Variants in PLCXD2 observed in about 807,000 individuals in gnomAD.
PLCXD2 encodes the protein phosphatidylinositol specific phospholipase C X domain containing 2.
PLCXD2 carries 21 observed loss-of-function variants against 28.6 expected under a neutral mutation model. The ratio of observed to expected loss-of-function variants is 0.73; its 90% CI spans 0.52 to 1.06. The LOEUF (loss-of-function observed/expected upper bound fraction) is 1.06, where lower values mean the gene tolerates loss of function less well. Ranked by LOEUF, PLCXD2 falls within the 50% of genes least tolerant of loss-of-function variation. The pLI, the probability that PLCXD2 is intolerant of heterozygous loss-of-function variation, is 0.00. For synonymous variants in PLCXD2, 140 were observed against 150.1 expected (o/e 0.93, Z 0.49); for missense variants, 369 against 376.7 (o/e 0.98, Z 0.17).
chr3:111,714,276 T>G (rs1941239315), intron 3 of PLCXD2, 148 bp downstream of exon 3: 18 of 1,090,278 alleles, frequency 1.7e-5, no homozygotes, highest in Non-Finnish European at 2.2e-5. Context: ...GAGAAAACCA[T>G]GCAGTTGAGG....
intron 2 of PLCXD2, among the ~76,000 whole-genome samples, chr3:111,712,348 G>A (rs1338632538): frequency 6.6e-6 from 1 of 152,182 alleles, no homozygotes; most frequent in African/African-American, 2.4e-5. Flanking sequence ...TCACAGGGCT[G>A]CACCGCCTCC....
At chr3:111,678,595 T>A (rs536742725) in intron 1 of PLCXD2, among the ~76,000 whole-genome samples, 1 of 152,320 alleles carries the variant, frequency 6.6e-6, no homozygotes, top group African/African-American at 2.4e-5. Flanking sequence ...TTTGGGAAGG[T>A]TCTATTGGGA....
At chr3:111,720,696 C>T (rs76257746) in intron 3 of PLCXD2, 27 bp from the exon 4 acceptor site, 8,764 of 416,728 alleles carry the variant, frequency 0.021, 655 homozygotes, top group African/African-American at 0.16. Context: ...TATCCACTCT[C>T]TTCCTCCAAC....
At chr3:111,692,138 T>C (rs1421935268) in intron 1 of PLCXD2, among the ~76,000 whole-genome samples, 1 of 152,020 alleles carries the variant, frequency 6.6e-6, no homozygotes, top group East Asian at 1.9e-4. Context: ...GCCTCCCGGG[T>C]TCATGCCGTT....
intron 3 of PLCXD2, chr3:111,724,679 A>G (rs545956303): frequency 2.0e-5 from 3 of 152,346 alleles, no homozygotes; most frequent in Admixed American, 1.3e-4. Context: ...TAAAAGAGCT[A>G]CATGAAACCA....
Position 111,694,753 on chromosome 3 carries a change from G to A in PLCXD2, c.164-13173G>A, listed in dbSNP as rs185560175. Among the ~76,000 whole-genome samples, 18 of 152,260 alleles carry A rather than the reference G, an allele frequency of 1.2e-4. No individual in the cohort carries two copies. The East Asian group carries it at 2.9e-3, about 25-fold the overall frequency. On this transcript the variant is annotated intron_variant, in intron 1 of 4. Transcript: ENST00000477665. ...GTCAGAGCTGGACCCTAAGGGATCC[G>A]GAGTCCAGCTAGGCCGGTGCTCTCT...
intron 3 of PLCXD2, among the ~76,000 whole-genome samples, chr3:111,717,730 C>T (rs1004905542): frequency 2.0e-5 from 3 of 152,180 alleles, no homozygotes; most frequent in Admixed American, 6.5e-5. Context: ...CAGAGGGCGC[C>T]TGCACCTCAT....
chr3:111,702,542 C>G (rs1941058036), intron 1 of PLCXD2, among the ~76,000 whole-genome samples: 1 of 152,062 alleles, frequency 6.6e-6, no homozygotes, highest in African/African-American at 2.4e-5. Context: ...GATAAAGAAG[C>G]CATAGAGAGA....
At chr3:111,681,337 G>C (rs1469348534) in intron 1 of PLCXD2, among the ~76,000 whole-genome samples, 1 of 152,158 alleles carries the variant, frequency 6.6e-6, no homozygotes, top group Non-Finnish European at 1.5e-5. Context: ...GAGCCTTTGG[G>C]AAAAACTCAG....
chr3:111,676,912 A>G (rs1474290042), intron 1 of PLCXD2: 1 of 152,352 alleles, frequency 6.6e-6, no homozygotes, highest in Non-Finnish European at 1.5e-5. Flanking sequence ...GGCTCAAACC[A>G]TAACTCCAGC....
chr3:111,686,319 G>T (rs1207985749), intron 1 of PLCXD2, among the ~76,000 whole-genome samples: 1 of 152,140 alleles, frequency 6.6e-6, no homozygotes, highest in Admixed American at 6.5e-5. Flanking sequence ...ACATAAAAAA[G>T]AATAAGTTGA....
intron 1 of PLCXD2, among the ~76,000 whole-genome samples, chr3:111,684,327 T>TAAA (rs1224720097): frequency 3.9e-4 from 42 of 106,834 alleles, no homozygotes; most frequent in Admixed American, 1.6e-3. Context: ...AGACTCCATC[T>TAAA]AAAAAAAAAA....
intron 1 of PLCXD2, among the ~76,000 whole-genome samples, chr3:111,678,322 A>G (rs1576451502): frequency 6.6e-6 from 1 of 152,232 alleles, no homozygotes; most frequent in African/African-American, 2.4e-5. Context: ...TGCTAACTGT[A>G]TAGAATCATT....
intron 3 of PLCXD2, among the ~76,000 whole-genome samples, chr3:111,720,386 C>A (rs1338821417): frequency 6.6e-6 from 1 of 152,064 alleles, no homozygotes; most frequent in Non-Finnish European, 1.5e-5. Flanking sequence ...CCACCCACCT[C>A]AGCCCCCCAA....
At chr3:111,713,484 A>C (rs2107868193) in intron 2 of PLCXD2, among the ~76,000 whole-genome samples, 1 of 152,288 alleles carries the variant, frequency 6.6e-6, no homozygotes, top group Middle Eastern at 3.4e-3. Context: ...CTTACAACAA[A>C]ATATTTTTAT....
At chr3:111,695,800 T>C (rs1940952900) in intron 1 of PLCXD2, among the ~76,000 whole-genome samples, 1 of 152,238 alleles carries the variant, frequency 6.6e-6, no homozygotes, top group South Asian at 2.1e-4. Flanking sequence ...CTGGAAGGCC[T>C]GTGGGATGGC....
intron 1 of PLCXD2, among the ~76,000 whole-genome samples, chr3:111,699,263 T>C (rs1941007634): frequency 2.6e-5 from 4 of 152,214 alleles, no homozygotes; most frequent in Admixed American, 1.3e-4. Flanking sequence ...CATCATGTAA[T>C]CTGAAATGCC....
chr3:111,716,204 T>C (rs886364576), intron 3 of PLCXD2, among the ~76,000 whole-genome samples: 4 of 152,218 alleles, frequency 2.6e-5, no homozygotes, highest in African/African-American at 7.2e-5. Flanking sequence ...AATATAGCTC[T>C]GGTTGAGTTT....
At chr3:111,720,590 T>C (rs985906809) in intron 3 of PLCXD2, 133 bp from the exon 4 acceptor site, 7 of 404,630 alleles carry the variant, frequency 1.7e-5, no homozygotes, top group African/African-American at 1.2e-4. Flanking sequence ...TAAATGGAAA[T>C]ACCTCTGAAA....
Sources: allele counts gnomAD v4.1 joint callset (sites outside exome capture counted in the v4.1 genomes callset), GRCh38; gene constraint gnomAD v4.1.1; transcripts MANE v1.5; gene names NCBI Gene and HGNC (gene_info 2026-07-23, HGNC 2026-07-21).